DYNC1I2: variants seen among roughly 807,000 people sequenced by gnomAD.
DYNC1I2 encodes the protein dynein cytoplasmic 1 intermediate chain 2.
Under a neutral mutation model 88.6 loss-of-function variants are expected in DYNC1I2, and 53 were observed. The ratio of observed to expected loss-of-function variants is 0.60; its 90% confidence interval spans 0.48 to 0.75. The LOEUF (loss-of-function observed/expected upper bound fraction) is 0.75. DYNC1I2 is among the 30% of genes least tolerant of loss of function. The probability of loss-of-function intolerance (pLI) is 0.00; values close to 1 mark genes in which losing one functional copy is unlikely to be tolerated. For missense variants in DYNC1I2, 458 were observed against 766.6 expected (o/e 0.60, Z 4.75); for synonymous variants, 198 against 254.6 (o/e 0.78, Z 2.12).
At chr2:171,738,710 T>C (rs1161566174) in intron 15 of DYNC1I2, among the ~76,000 whole-genome samples, 1 of 152,212 alleles carries the variant, frequency 6.6e-6, no homozygotes, top group Non-Finnish European at 1.5e-5. Flanking sequence ...TCAGAGGCCT[T>C]AGCACAGTGG....
chr2:171,699,599 TG>T, intron 3 of DYNC1I2, among the ~76,000 whole-genome samples: 2 of 148,600 alleles, frequency 1.3e-5, no homozygotes, highest in Admixed American at 1.3e-4. Flanking sequence ...GGAGTGTGTG[TG>T]TGTGTGTGTG....
At position 171,727,859 on chromosome 2, in the gene DYNC1I2, A is replaced by G; in HGVS notation, c.1035A>G (p.Pro345=). 1 of 1,612,906 alleles carries G rather than the reference A, an allele frequency of 6.2e-7. No individual in the cohort carries two copies. Among genetic ancestry groups the G allele is most frequent in the Non-Finnish European group, 8.5e-7 (1 of 1,179,228 alleles). The change falls in exon 12 of 18, where the codon CCA becomes CCG. Residue 345 remains proline, a synonymous_variant. Transcript: ENST00000397119. ...VMSATFAKFH[P]NLVVGGTYSG... Reference sequence around the variant, plus strand: ...CTGCCACATTTGCAAAATTTCATCCAAATCTTGTTGTTGGTGGTACATATT... The same window carrying G: ...CTGCCACATTTGCAAAATTTCATCCGAATCTTGTTGTTGGTGGTACATATT...
At chr2:171,729,238 A>G (rs181359896) in intron 14 of DYNC1I2, among the ~76,000 whole-genome samples, 1 of 152,270 alleles carries the variant, frequency 6.6e-6, no homozygotes, top group East Asian at 1.9e-4. Flanking sequence ...ATAATTGTAC[A>G]GTAATGTCAC....
intron 15 of DYNC1I2, among the ~76,000 whole-genome samples, chr2:171,731,981 T>C (rs1237574152): frequency 6.6e-6 from 1 of 152,212 alleles, no homozygotes; most frequent in Non-Finnish European, 1.5e-5. Flanking sequence ...CTCCTTACAA[T>C]TTTCACTTTG....
intron 3 of DYNC1I2, among the ~76,000 whole-genome samples, chr2:171,700,503 C>T (rs973747685): frequency 3.3e-5 from 5 of 152,138 alleles, no homozygotes; most frequent in African/African-American, 1.2e-4. Flanking sequence ...TGATGAAAGG[C>T]ATTTTAATAG....
In DYNC1I2 at chr2:171,727,848, A is replaced by G; in HGVS notation, c.1024A>G (p.Lys342Glu). ...QSAVMSATFA[K>E]FHPNLVVGGT... ...AGCTGTGATGTCTGCCACATTTGCA[A>G]AATTTCATCCAAATCTTGTTGTTGG... The change falls in exon 12 of 18, where the codon AAA (lysine) becomes GAA (glutamate). Residue 342 changes from lysine to glutamate, a missense_variant. Lys to Glu is a moderately conservative substitution (Grantham distance 56). Around this residue, in one of 5 missense-constraint regions of DYNC1I2, gnomAD observed 203 missense variants for 354.2 expected, o/e 0.57. Coordinates refer to ENST00000397119, the MANE Select transcript of DYNC1I2 (RefSeq NM_001378.3). 1 of 1,613,118 alleles carries G rather than the reference A, an allele frequency of 6.2e-7. No individual in the cohort carries two copies. Among genetic ancestry groups the G allele is most frequent in the African/African-American group, 1.3e-5 (1 of 75,022 alleles).
At chr2:171,746,368 A>C (rs1295927732) in intron 17 of DYNC1I2, among the ~76,000 whole-genome samples, 8 of 152,230 alleles carry the variant, frequency 5.3e-5, no homozygotes, top group African/African-American at 1.9e-4. Flanking sequence ...TTGACTCTTA[A>C]GCCTTGATGC....
At chr2:171,689,847 T>C (rs997315262) in intron 1 of DYNC1I2, among the ~76,000 whole-genome samples, 4 of 150,598 alleles carry the variant, frequency 2.7e-5, no homozygotes, top group Non-Finnish European at 5.9e-5. Flanking sequence ...TACAGGCACA[T>C]GCCACCATGC....
At chr2:171,712,588 A>G (rs2105584432) in intron 5 of DYNC1I2, 179 bp from the exon 6 acceptor site, 2 of 558,870 alleles carry the variant, frequency 3.6e-6, no homozygotes, top group South Asian at 5.1e-5. Flanking sequence ...GCACTAGATG[A>G]TTGAGTGACC....
chr2:171,736,596 T>C (rs1251448392), intron 15 of DYNC1I2, among the ~76,000 whole-genome samples: 5 of 152,182 alleles, frequency 3.3e-5, no homozygotes, highest in Admixed American at 3.3e-4. Context: ...AGCCTTGCCA[T>C]GGGGTAGTAA....
chr2:171,722,375 T>G (rs1687956877), intron 7 of DYNC1I2, among the ~76,000 whole-genome samples: 1 of 152,286 alleles, frequency 6.6e-6, no homozygotes, highest in Non-Finnish European at 1.5e-5. Flanking sequence ...TTTTATGCAC[T>G]CTTTACTGCT....
intron 16 of DYNC1I2, 27 bp downstream of exon 16, chr2:171,744,216 A>G (rs750756991): frequency 1.3e-6 from 2 of 1,561,804 alleles, no homozygotes; most frequent in Non-Finnish European, 1.7e-6. Context: ...CAAAAATTGC[A>G]TTGAAAAATA....
intron 5 of DYNC1I2, 142 bp downstream of exon 5, chr2:171,707,519 T>A: frequency 1.6e-6 from 1 of 631,522 alleles, no homozygotes; most frequent in Non-Finnish European, 2.4e-6. Context: ...AAATTCTCTG[T>A]TGGACACTGG....
In DYNC1I2 at chr2:171,710,162, C is replaced by CAT. The variant is rs529777530; in HGVS notation, c.336-2604_336-2603insTA. Among the ~76,000 whole-genome samples, 837 of 137,102 alleles carry CAT rather than the reference C, an allele frequency of 6.1e-3. 6 individuals are homozygous for CAT. Among genetic ancestry groups the CAT allele is most frequent in the African/African-American group, 0.022 (798 of 36,338 alleles). 89.9% of individuals were successfully genotyped at this position (137,102 alleles called of 152,430 possible). ...ACACACACACACACACACACACACA[C>CAT]ACAGAGTAATAGAAAATGATGAATT... On this transcript the variant is annotated intron_variant, in intron 5 of 17. Coordinates refer to ENST00000397119, the MANE Select transcript of DYNC1I2 (RefSeq NM_001378.3).
At chr2:171,711,326 T>C (rs1478484464) in intron 5 of DYNC1I2, among the ~76,000 whole-genome samples, 1 of 152,138 alleles carries the variant, frequency 6.6e-6, no homozygotes, top group African/African-American at 2.4e-5. Context: ...TTGATCAGTT[T>C]ACTTCTCAAG....
chr2:171,689,190 A>T (rs1240457136), intron 1 of DYNC1I2, among the ~76,000 whole-genome samples: 1 of 152,302 alleles, frequency 6.6e-6, no homozygotes, highest in Non-Finnish European at 1.5e-5. Flanking sequence ...AATAACTAAA[A>T]AACAGTCCCT....
At chr2:171,720,476 T>A (rs555509691) in intron 7 of DYNC1I2, among the ~76,000 whole-genome samples, 1 of 152,296 alleles carries the variant, frequency 6.6e-6, no homozygotes, top group East Asian at 1.9e-4. Flanking sequence ...GATTTTTCTG[T>A]AATCCTAGCA....
rs754093678 is a variant in DYNC1I2, at chr2:171,692,805, C to T, written c.137C>T (p.Pro46Leu). 6 of 1,607,296 alleles carry T rather than the reference C, an allele frequency of 3.7e-6. No homozygotes were observed. Among genetic ancestry groups the T allele is most frequent in the African/African-American group, 2.7e-5 (2 of 74,746 alleles). Reference protein sequence around the residue: ...ETDQKKEAVAPVQEESDLEKK... With the variant: ...ETDQKKEAVALVQEESDLEKK... ...GACCAGAAGAAGGAAGCTGTTGCTC[C>T]TGTGCAAGAAGAATCAGATCTTGAA... Residue 46 changes from proline (P) to leucine (L), a missense_variant, in exon 3 of 18, where the codon CCT becomes CTT. Coordinates refer to ENST00000397119, the MANE Select transcript of DYNC1I2 (RefSeq NM_001378.3).
At chr2:171,737,992 G>A (rs2105754453) in intron 15 of DYNC1I2, among the ~76,000 whole-genome samples, 1 of 152,056 alleles carries the variant, frequency 6.6e-6, no homozygotes, top group East Asian at 1.9e-4. Context: ...TAGTTTGCAT[G>A]TAGCTTTTTT....
Sources: gnomAD v4.1 joint callset for allele counts (sites outside exome capture counted in the v4.1 genomes callset) on GRCh38, gnomAD v4.1.1 for gene constraint, gnomAD v4.1.1 regional missense constraint, MANE v1.5 for transcripts, NCBI Gene and HGNC (gene_info 2026-07-23, HGNC 2026-07-21) for gene names.